FRS2: variants seen among roughly 807,000 people sequenced by gnomAD.
FRS2 encodes the protein fibroblast growth factor receptor substrate 2.
In FRS2, 8 loss-of-function variants were observed where a neutral mutation model predicts 43.9. The ratio of observed to expected loss-of-function variants is 0.18; its 90% confidence interval spans 0.11 to 0.33. The LOEUF (loss-of-function observed/expected upper bound fraction) is 0.33. Among genes scored for constraint, FRS2 ranks in the 10% least tolerant of loss-of-function variants. The pLI, the probability that FRS2 is intolerant of heterozygous loss-of-function variation, is 1.00. For synonymous variants in FRS2, 219 were observed against 220.3 expected, an observed-to-expected ratio of 0.99 and a Z score of 0.05; for missense variants, 534 against 627.6, an observed-to-expected ratio of 0.85 and a Z score of 1.59.
intron 1 of FRS2, among the ~76,000 whole-genome samples, chr12:69,476,270 G>C (rs1870762858): frequency 6.6e-6 from 1 of 152,188 alleles, no homozygotes. Flanking sequence ...ATTTCAAGGA[G>C]CAGTTCAGAC....
intron 1 of FRS2, among the ~76,000 whole-genome samples, chr12:69,494,729 C>G (rs549152429): frequency 2.4e-4 from 37 of 152,210 alleles, no homozygotes; most frequent in African/African-American, 8.4e-4. Flanking sequence ...TCTCACAGCA[C>G]CTGAGTAAGT....
chr12:69,524,256 G>A (rs995685981), intron 1 of FRS2, among the ~76,000 whole-genome samples: 1 of 152,102 alleles, frequency 6.6e-6, no homozygotes, highest in Non-Finnish European at 1.5e-5. Context: ...GTGCACTCAC[G>A]GCAGCAGAGG....
At chr12:69,568,906 C>G in intron 4 of FRS2, 99 bp from the exon 5 acceptor site, 1 of 529,244 alleles carries the variant, frequency 1.9e-6, no homozygotes, top group Non-Finnish European at 3.3e-6. Context: ...TTTTCTGCAT[C>G]AGAATAATGT....
chr12:69,470,496 C>G lies in FRS2; in HGVS notation c.-295C>G, dbSNP rs1870151383. On this transcript the variant is annotated 5_prime_UTR_variant, in exon 1 of 9. Coordinates refer to ENST00000549921, the MANE Select transcript of FRS2 (RefSeq NM_001278356.2). ...AGTCTGGGGGTTCGCGCCCGCCGACCCGCGCCCTGCTCCCTCTCAGCACCT... is the reference window on the plus strand; with the variant it reads ...AGTCTGGGGGTTCGCGCCCGCCGACGCGCGCCCTGCTCCCTCTCAGCACCT... 1 of 398,678 alleles carries G rather than the reference C, an allele frequency of 2.5e-6. No individual in the cohort carries two copies. The highest frequency in any genetic ancestry group is 4.4e-5 in the Admixed American group (1 of 22,736). 24.7% of individuals were successfully genotyped at this position (398,678 alleles called of 1,614,324 possible).
At chr12:69,546,073 A>G (rs1878378618) in intron 3 of FRS2, among the ~76,000 whole-genome samples, 1 of 152,222 alleles carries the variant, frequency 6.6e-6, no homozygotes, top group African/African-American at 2.4e-5. Flanking sequence ...AGACAATACA[A>G]GAAAAAACTT....
intron 1 of FRS2, among the ~76,000 whole-genome samples, chr12:69,487,227 G>A (rs1872038381): frequency 6.6e-6 from 1 of 152,204 alleles, no homozygotes; most frequent in South Asian, 2.1e-4. Flanking sequence ...AGTTGAAACA[G>A]CTTTCTATTG....
chr12:69,552,027 C>T (rs1046652675), intron 3 of FRS2, among the ~76,000 whole-genome samples: 7 of 151,802 alleles, frequency 4.6e-5, no homozygotes, highest in African/African-American at 9.7e-5. Flanking sequence ...CATCTCTGGC[C>T]GGGCACGGTG....
In FRS2 at chr12:69,532,789, TA is replaced by T. The variant is rs571245609; in HGVS notation, c.-122+735del. Reference sequence around the variant, plus strand: ...TTATATATCAGCACTTAAGTATTTATAAGATCTTTGGTGGGAAGACCAGAAA... The same window carrying T: ...TTATATATCAGCACTTAAGTATTTATAGATCTTTGGTGGGAAGACCAGAAA... On this transcript the variant is annotated intron_variant, in intron 3 of 8. Coordinates refer to ENST00000549921, the MANE Select transcript of FRS2 (RefSeq NM_001278356.2). 1.5e-3 allele frequency among the ~76,000 whole-genome samples: 236 copies of T among 152,354 alleles called. 2 individuals carry two copies. Among genetic ancestry groups the T allele is most frequent in the African/African-American group, 5.3e-3 (220 of 41,582 alleles).
intron 4 of FRS2, among the ~76,000 whole-genome samples, chr12:69,566,742 A>G (rs1249978397): frequency 2.6e-5 from 4 of 152,236 alleles, no homozygotes; most frequent in Non-Finnish European, 5.9e-5. Context: ...TAAACATTGC[A>G]GTAGAGTACG....
chr12:69,519,727 A>G (rs1435553651), intron 1 of FRS2, among the ~76,000 whole-genome samples: 1 of 152,212 alleles, frequency 6.6e-6, no homozygotes, highest in Non-Finnish European at 1.5e-5. Flanking sequence ...TGTTGCTGCA[A>G]AGGACATGAT....
At chr12:69,472,840 G>A (rs1192205027) in intron 1 of FRS2, among the ~76,000 whole-genome samples, 1 of 152,080 alleles carries the variant, frequency 6.6e-6, no homozygotes, top group East Asian at 1.9e-4. Context: ...AATTTTTTTT[G>A]TAATTGGGAC....
At chr12:69,540,078 C>G (rs1046293991) in intron 3 of FRS2, among the ~76,000 whole-genome samples, 1 of 151,782 alleles carries the variant, frequency 6.6e-6, no homozygotes, top group Admixed American at 6.6e-5. Flanking sequence ...ACAGTGAAAC[C>G]TCGTCTCTAC....
At position 69,569,071 on chromosome 12, in the gene FRS2, C is replaced by T. The variant is rs759053200; in HGVS notation, c.41C>T (p.Pro14Leu). Residue 14 changes from proline to leucine, a missense_variant, in exon 5 of 9, where the codon CCA (proline) becomes CTA (leucine). By Grantham distance (98) the Pro-to-Leu change is moderately conservative (BLOSUM62 -3). Coordinates refer to ENST00000549921, the MANE Select transcript of FRS2 (RefSeq NM_001278356.2). ...CCSCPDKDTV[P>L]DNHRNKFKVI... ...AGCTGTCCAGATAAAGACACTGTCC[C>T]AGATAACCATCGGAACAAGTTTAAG... 2 of 1,611,588 alleles carry T rather than the reference C, an allele frequency of 1.2e-6. No individual in the cohort carries two copies. Among genetic ancestry groups the T allele is most frequent in the Admixed American group, 3.3e-5 (2 of 59,874 alleles).
chr12:69,490,065 C>T (rs988832641), intron 1 of FRS2, among the ~76,000 whole-genome samples: 17 of 151,748 alleles, frequency 1.1e-4, no homozygotes, highest in African/African-American at 3.9e-4. Context: ...ATAATGTTAA[C>T]AAAAGACCCA....
chr12:69,576,664 A>G lies in FRS2; in HGVS notation c.*1709A>G, dbSNP rs1729064634. 2 of 152,258 alleles carry G rather than the reference A, an allele frequency of 1.3e-5. No homozygotes were observed. The highest frequency in any genetic ancestry group is 4.8e-5 in the African/African-American group (2 of 41,468). The allele number at this position is 152,258 out of a possible 1,614,324, so 9.4% of individuals were successfully genotyped here. A position where few individuals can be genotyped will look rare whatever the true frequency, so the allele number is the denominator to read the frequency against. On this transcript the variant is annotated 3_prime_UTR_variant, in exon 9 of 9. Transcript: ENST00000549921. Reference sequence around the variant, plus strand: ...GACAATGATGGATTAGGAGAACAATAGAGTGGGATCATTATAAAGAAAATA... The same window carrying G: ...GACAATGATGGATTAGGAGAACAATGGAGTGGGATCATTATAAAGAAAATA...
intron 1 of FRS2, among the ~76,000 whole-genome samples, chr12:69,487,119 A>T (rs1472187779): frequency 2.0e-5 from 3 of 152,346 alleles, no homozygotes; most frequent in Middle Eastern, 3.4e-3. Flanking sequence ...TCGCCTCCTT[A>T]TGCACCAGAA....
intron 5 of FRS2, 31 bp downstream of exon 5, chr12:69,569,127 A>T: frequency 7.6e-7 from 1 of 1,312,492 alleles, no homozygotes; most frequent in Middle Eastern, 1.8e-4. Context: ...TATATATCTT[A>T]CTGCCTAGTT....
In FRS2 at chr12:69,518,158, A is replaced by G. The variant is rs764387063; in HGVS notation, c.-260-12707A>G. ...TAGCTTGTCTTGAGTGCTTTGAGAT[A>G]TGGATTTATTGAAGACCTCTTCATG... is the stretch of plus-strand genomic sequence containing the variant. On this transcript the variant is annotated intron_variant, in intron 1 of 8. Transcript: ENST00000549921. Among the ~76,000 whole-genome samples, 49 of 152,218 alleles carry G rather than the reference A, an allele frequency of 3.2e-4. 1 individual carries two copies. Among genetic ancestry groups the G allele is most frequent in the Non-Finnish European group, 8.8e-5 (6 of 68,028 alleles).
At chr12:69,491,340 C>G (rs2120932885) in intron 1 of FRS2, among the ~76,000 whole-genome samples, 1 of 152,180 alleles carries the variant, frequency 6.6e-6, no homozygotes, top group African/African-American at 2.4e-5. Flanking sequence ...CAGCGACCTG[C>G]CCACCTCGGC....
Sources: allele counts gnomAD v4.1 joint callset (sites outside exome capture counted in the v4.1 genomes callset), GRCh38; gene constraint gnomAD v4.1.1; transcripts MANE v1.5; gene names NCBI Gene and HGNC (gene_info 2026-07-23, HGNC 2026-07-21).